TOGARAM1: variants seen among roughly 807,000 people sequenced by gnomAD.
TOGARAM1 encodes TOG array regulator of axonemal microtubules protein 1.
TOGARAM1 carries 100 observed loss-of-function variants against 166.6 expected under a neutral mutation model. The ratio of observed to expected loss-of-function variants is 0.60; its 90% CI spans 0.51 to 0.71. The LOEUF (loss-of-function observed/expected upper bound fraction) is 0.71, where lower values mean the gene tolerates loss of function less well. Ranked by LOEUF, TOGARAM1 falls within the 30% of genes least tolerant of loss-of-function variation. TOGARAM1 has a pLI of 0.00. For missense variants in TOGARAM1, 2,029 were observed against 2,102.7 expected, an observed-to-expected ratio of 0.96 and a Z score of 0.69; for synonymous variants, 758 against 763.8, an observed-to-expected ratio of 0.99 and a Z score of 0.13.
intron 7 of TOGARAM1, among the ~76,000 whole-genome samples, chr14:45,015,306 A>AT (rs1880058612): frequency 7.0e-6 from 1 of 143,212 alleles, no homozygotes; most frequent in Admixed American, 6.8e-5. Flanking sequence ...GCCTATCTCA[A>AT]AAAATAAATA....
chr14:45,046,824 G>T (rs1198008847), intron 14 of TOGARAM1, 121 bp downstream of exon 14: 1 of 788,398 alleles, frequency 1.3e-6, no homozygotes, highest in South Asian at 6.4e-5. Context: ...CCAGGGATTG[G>T]TGCTGGGGGA....
chr14:45,052,557 C>T lies in TOGARAM1; in HGVS notation c.4435C>T (p.Gln1479Ter). 6.3e-7 allele frequency: 1 copy of T among 1,591,270 alleles called. No individual in the cohort carries two copies. The highest frequency in any genetic ancestry group is 8.6e-7 in the Non-Finnish European group (1 of 1,166,368). ...TAAGGACTCTGTTAGAAACTTACAG[C>T]AAAAGGTATGTGGGAAAAGTTTGTT... ...YIKDSVRNLQ[Q>*]KGLGEIPLDT... The change falls in exon 15 of 20, where the codon CAA becomes TAA. Residue 1479 changes from glutamine to a stop codon, truncating the protein, a stop_gained. Coordinates refer to ENST00000361462, the MANE Select transcript of TOGARAM1 (RefSeq NM_001308120.2). LOFTEE classifies it high-confidence loss of function.
chr14:45,041,768 CTTTG>C (rs1007042267), intron 11 of TOGARAM1, among the ~76,000 whole-genome samples: 9 of 151,984 alleles, frequency 5.9e-5, no homozygotes, highest in East Asian at 1.9e-4. Flanking sequence ...TTTTTTTTGT[CTTTG>C]TTTGTTTGAG....
chr14:44,990,953 C>CTTTT lies in TOGARAM1; in HGVS notation c.2047-4773_2047-4770dup, dbSNP rs1171702041. On this transcript the variant is annotated intron_variant, in intron 1 of 19. Coordinates refer to ENST00000361462, the MANE Select transcript of TOGARAM1 (RefSeq NM_001308120.2). ...TGTGAGCCACTACACCCAGCTGAGG[C>CTTTT]TTTTTTTTTTTTTTTTTTTTTTTGG... 3.6e-4 allele frequency among the ~76,000 whole-genome samples: 27 copies of CTTTT among 74,178 alleles called. No individual in the cohort carries two copies. In the East Asian group the frequency reaches 4.1e-3, roughly 11 times the overall value. The allele number at this position is 74,178 out of a possible 152,430, so 48.7% of individuals were successfully genotyped here.
intron 3 of TOGARAM1, among the ~76,000 whole-genome samples, chr14:45,003,807 A>ATATGTATACATATACATGC (rs375115435): frequency 2.0e-5 from 3 of 152,088 alleles, no homozygotes; most frequent in Admixed American, 6.6e-5. Flanking sequence ...GTATGTATGT[A>ATATGTATACATATACATGC]ATTGATAAAA....
chr14:45,051,102 C>T (rs1014107122), intron 14 of TOGARAM1, among the ~76,000 whole-genome samples: 1 of 152,168 alleles, frequency 6.6e-6, no homozygotes, highest in Non-Finnish European at 1.5e-5. Flanking sequence ...CCATTAGAAT[C>T]ATTGGGCTTA....
In TOGARAM1 at chr14:44,962,918, A is replaced by G. The variant is rs759427266; in HGVS notation, c.497A>G (p.Gln166Arg). 6.2e-7 allele frequency: 1 copy of G among 1,614,112 alleles called. No individual in the cohort carries two copies. The highest frequency in any genetic ancestry group is 1.3e-5 in the African/African-American group (1 of 75,050). Residue 166 changes from glutamine (Q) to arginine (R), a missense_variant, in exon 1 of 20, where the codon CAG (glutamine) becomes CGG (arginine). Physicochemically the swap from Gln to Arg is conservative, Grantham distance 43 (BLOSUM62 1). Around this residue, in one of 2 missense-constraint regions of TOGARAM1, gnomAD observed 1,453 missense variants for 1,432.2 expected, o/e 1.01. Transcript: ENST00000361462. ...CTTCTCTCGGACGTTCTCCGGGGTCAGGGGGAGGCAGGCCAGCTTGAAGAG... is the reference window on the plus strand; with the variant it reads ...CTTCTCTCGGACGTTCTCCGGGGTCGGGGGGAGGCAGGCCAGCTTGAAGAG... ...LQLLSDVLRG[Q>R]GEAGQLEEAF...
chr14:44,983,925 A>G (rs1279052792), intron 1 of TOGARAM1, among the ~76,000 whole-genome samples: 2 of 152,244 alleles, frequency 1.3e-5, no homozygotes, highest in Non-Finnish European at 2.9e-5. Context: ...TGGCAACAGG[A>G]TATTTTACAG....
chr14:45,006,255 G>A lies in TOGARAM1; in HGVS notation c.2892G>A (p.Leu964=), dbSNP rs34401395. ...LSELNFKDKD[L]DQEEMHSSLR... is the part of the protein sequence containing the mutation. ...AATTAAATTTCAAGGATAAAGATTT[G>A]GATCAAGAAGAGGTTAGAACCAAAT... is the stretch of plus-strand genomic sequence containing the variant. The change falls in exon 5 of 20, where the codon TTG becomes TTA. Residue 964 remains leucine, a synonymous_variant. Transcript: ENST00000361462. The A allele has an allele frequency of 7.3e-4, 1,167 of 1,608,150 alleles. 9 individuals carry two copies. The African/African-American group carries it at 0.014, about 19-fold the overall frequency.
At chr14:45,044,010 TTTTG>T (rs1213072915) in intron 12 of TOGARAM1, among the ~76,000 whole-genome samples, 5 of 151,838 alleles carry the variant, frequency 3.3e-5, no homozygotes, top group South Asian at 2.1e-4. Context: ...AGATGTGGGG[TTTTG>T]TTTGTTTGTT....
intron 12 of TOGARAM1, among the ~76,000 whole-genome samples, chr14:45,044,098 C>T (rs939609662): frequency 5.3e-5 from 8 of 151,902 alleles, no homozygotes; most frequent in Non-Finnish European, 1.0e-4. Flanking sequence ...CAACCTTCTC[C>T]TCCTAGGTTC....
chr14:45,049,709 A>G (rs1341183915), intron 14 of TOGARAM1, among the ~76,000 whole-genome samples: 1 of 152,206 alleles, frequency 6.6e-6, no homozygotes, highest in African/African-American at 2.4e-5. Context: ...GGAGCAGGAC[A>G]TCTTTGGGGA....
At chr14:44,994,871 A>G (rs932787928) in intron 1 of TOGARAM1, among the ~76,000 whole-genome samples, 1 of 152,218 alleles carries the variant, frequency 6.6e-6, no homozygotes, top group African/African-American at 2.4e-5. Flanking sequence ...ATAATTGGCA[A>G]AGTTTACAAA....
intron 13 of TOGARAM1, among the ~76,000 whole-genome samples, chr14:45,045,609 GTGTGTGTGTA>G (rs1400942002): frequency 0.046 from 4,018 of 87,960 alleles, 272 homozygotes; most frequent in East Asian, 0.2. Context: ...GTGTGTGTGT[GTGTGTGTGTA>G]TATATATGTA....
rs757532479 is a variant in TOGARAM1, at chr14:44,963,979, G to A, written c.1558G>A (p.Val520Ile). 1.2e-5 allele frequency: 20 copies of A among 1,614,068 alleles called. 1 individual carries two copies. The highest frequency in any genetic ancestry group is 2.5e-6 in the Non-Finnish European group (3 of 1,180,046). Residue 520 changes from valine (V) to isoleucine (I), a missense_variant, in exon 1 of 20, where the codon GTA becomes ATA. By Grantham distance (29) the Val-to-Ile change is conservative (BLOSUM62 3). Coordinates refer to ENST00000361462, the MANE Select transcript of TOGARAM1 (RefSeq NM_001308120.2). ...GTCCTTTGATCTTGCCCCAGCTCTT[G>A]TAGATAGCAAACGCAGGGTACGCCA... is the stretch of plus-strand genomic sequence containing the variant. ...KLSFDLAPAL[V>I]DSKRRVRQAA... is the part of the protein sequence containing the mutation.
chr14:45,054,043 G>A (rs933456587), intron 15 of TOGARAM1, among the ~76,000 whole-genome samples: 17 of 151,906 alleles, frequency 1.1e-4, no homozygotes, highest in African/African-American at 4.1e-4. Context: ...GCTAGTTTTT[G>A]TGCTTTTAGT....
intron 16 of TOGARAM1, among the ~76,000 whole-genome samples, chr14:45,059,435 C>T (rs953832155): frequency 6.6e-6 from 1 of 152,104 alleles, no homozygotes; most frequent in African/African-American, 2.4e-5. Context: ...ATTGCCTGAG[C>T]TCAGAAGTTC....
chr14:45,068,401 A>G, intron 17 of TOGARAM1, 23 bp from the exon 18 acceptor site: 1 of 1,520,104 alleles, frequency 6.6e-7, no homozygotes. Context: ...TTTACTTTAA[A>G]TAATTTACCA....
intron 7 of TOGARAM1, among the ~76,000 whole-genome samples, chr14:45,017,791 A>G (rs1880239410): frequency 6.6e-6 from 1 of 152,196 alleles, no homozygotes; most frequent in Non-Finnish European, 1.5e-5. Context: ...AGGCTGAGGC[A>G]GGAGAACTGC....
Sources: allele counts gnomAD v4.1 joint callset (sites outside exome capture counted in the v4.1 genomes callset), GRCh38; gene constraint gnomAD v4.1.1; regional missense constraint gnomAD v4.1.1; transcripts MANE v1.5; gene names NCBI Gene and HGNC (gene_info 2026-07-23, HGNC 2026-07-21).